The following SAG variants were observed in gnomAD, a reference collection of about 807,000 sequenced individuals.
The protein encoded by SAG is S-antigen visual arrestin, also known as S-arrestin.
Under a neutral mutation model 55.0 loss-of-function variants are expected in SAG, and 45 were observed. The ratio of observed to expected loss-of-function variants is 0.82; its 90% CI spans 0.64 to 1.05. SAG has a LOEUF of 1.05. SAG is among the 50% of genes least tolerant of loss of function. The pLI is 0.00. For missense variants in SAG, 455 were observed against 512.1 expected (o/e 0.89, Z 1.08); for synonymous variants, 189 against 197.4 (o/e 0.96, Z 0.36).
chr2:233,317,977 T>A (rs957193638), intron 3 of SAG, among the ~76,000 whole-genome samples: 1 of 151,910 alleles, frequency 6.6e-6, no homozygotes, highest in Admixed American at 6.6e-5. Flanking sequence ...TGGAAAAAAA[T>A]TTTTTTTGTC....
Position 233,307,944 on chromosome 2 carries a change from G to A in SAG, c.-107G>A, listed in dbSNP as rs1375217857. The A allele has an allele frequency of 1.3e-5, 2 of 152,442 alleles. No individual in the cohort carries two copies. The highest frequency in any genetic ancestry group is 2.9e-5 in the Non-Finnish European group (2 of 68,110). The allele number at this position is 152,442 out of a possible 1,614,324, so 9.4% of individuals were successfully genotyped here. ...TACCAGCTTGCTCAGAACAGGGGCTGGCTATTCATCATCTCAGAGCATAGA... is the reference window on the plus strand; with the variant it reads ...TACCAGCTTGCTCAGAACAGGGGCTAGCTATTCATCATCTCAGAGCATAGA... On this transcript the variant is annotated 5_prime_UTR_variant, in exon 1 of 16. Coordinates refer to ENST00000409110, the MANE Select transcript of SAG (RefSeq NM_000541.5).
chr2:233,322,048 G>A (rs546492212), intron 5 of SAG, among the ~76,000 whole-genome samples: 167 of 150,406 alleles, frequency 1.1e-3, no homozygotes, highest in African/African-American at 3.8e-3. Context: ...TTAGTCAGGC[G>A]TGGTGGCGGG....
At chr2:233,327,381 A>C in intron 7 of SAG, 184 bp downstream of exon 7, 3 of 510,782 alleles carry the variant, frequency 5.9e-6, no homozygotes, top group East Asian at 3.2e-5. Context: ...AAACAAGAAA[A>C]TGACAGGGAA....
intron 3 of SAG, among the ~76,000 whole-genome samples, chr2:233,318,122 C>T (rs937629590): frequency 6.6e-6 from 1 of 151,932 alleles, no homozygotes; most frequent in Non-Finnish European, 1.5e-5. Context: ...CACAGGCATG[C>T]ACCACCGCAC....
intron 5 of SAG, among the ~76,000 whole-genome samples, chr2:233,321,506 C>G (rs746319924): frequency 1.3e-5 from 2 of 152,146 alleles, no homozygotes; most frequent in Non-Finnish European, 1.5e-5. Context: ...GACCCAGACA[C>G]AAAAAGACAA....
chr2:233,326,151 G>C (rs1395016697), intron 6 of SAG, among the ~76,000 whole-genome samples: 1 of 152,136 alleles, frequency 6.6e-6, no homozygotes, highest in Non-Finnish European at 1.5e-5. Context: ...TTGCACTGGG[G>C]GCCAGGGGCT....
chr2:233,310,663 C>T (rs369447396), intron 2 of SAG, among the ~76,000 whole-genome samples: 6 of 152,142 alleles, frequency 3.9e-5, no homozygotes, highest in Non-Finnish European at 5.9e-5. Flanking sequence ...TGTGCCACCG[C>T]GCCCAGCTAA....
intron 1 of SAG, among the ~76,000 whole-genome samples, 156 bp downstream of exon 1, chr2:233,308,178 G>C (rs1699992359): frequency 6.6e-6 from 1 of 152,250 alleles, no homozygotes; most frequent in Admixed American, 6.5e-5. Flanking sequence ...GACTTGGAGT[G>C]AGCGGGTGCA....
In SAG at chr2:233,340,468, C is replaced by G; in HGVS notation, c.1036C>G (p.Leu346Val). ...TGTGTTTTCTAGCTTTCTGGGAGAG[C>G]TCACCTCCAGGTAAGCCTGTTCACC... ...KLTVSGFLGE[L>V]TSSEVATEVP... The change falls in exon 13 of 16, where the codon CTC becomes GTC. Residue 346 changes from leucine (L) to valine (V), a missense_variant. Leu to Val is a conservative substitution (Grantham distance 32, BLOSUM62 1). Transcript: ENST00000409110. This position sits in a 1 kb window ranked among gnomAD's most constrained non-coding sequence, Gnocchi z 4.2. The G allele has an allele frequency of 6.2e-7, 1 of 1,610,850 alleles. No individual in the cohort carries two copies. The highest frequency in any genetic ancestry group is 8.5e-7 in the Non-Finnish European group (1 of 1,178,232).
At chr2:233,323,707 C>T (rs1335153208) in intron 6 of SAG, among the ~76,000 whole-genome samples, 3 of 152,098 alleles carry the variant, frequency 2.0e-5, no homozygotes, top group Non-Finnish European at 4.4e-5. Context: ...AAATTTCAAA[C>T]GTACCCAAAA....
chr2:233,346,897 T>C lies in SAG; in HGVS notation c.1203T>C (p.Asn401=). 1 of 1,606,294 alleles carries C rather than the reference T, an allele frequency of 6.2e-7. No individual in the cohort carries two copies. Among genetic ancestry groups the C allele is most frequent in the Admixed American group, 1.7e-5 (1 of 59,832 alleles). ...GEAEEGKRDK[N]DVDE is the part of the protein sequence containing the mutation. Reference sequence around the variant, plus strand: ...CTGAGGAGGGGAAGAGAGACAAGAATGACGTTGATGAGTGAAGATGTCGGC... The same window carrying C: ...CTGAGGAGGGGAAGAGAGACAAGAACGACGTTGATGAGTGAAGATGTCGGC... Residue 401 remains asparagine (N), a synonymous_variant, in exon 16 of 16, where the codon AAT becomes AAC. Transcript: ENST00000409110.
intron 3 of SAG, among the ~76,000 whole-genome samples, chr2:233,316,607 G>A (rs550292126): frequency 9.3e-4 from 141 of 152,124 alleles, no homozygotes; most frequent in Non-Finnish European, 1.7e-3. Context: ...CACTGTGTCC[G>A]GCTGGAAAGA....
intron 6 of SAG, among the ~76,000 whole-genome samples, chr2:233,325,721 C>A (rs900619781): frequency 1.3e-5 from 2 of 152,176 alleles, no homozygotes; most frequent in African/African-American, 4.8e-5. Context: ...AAAGCACCAC[C>A]TATTTTCTGT....
chr2:233,330,778 C>G (rs1435601587), intron 9 of SAG, among the ~76,000 whole-genome samples: 1 of 152,052 alleles, frequency 6.6e-6, no homozygotes, highest in Non-Finnish European at 1.5e-5. Flanking sequence ...GTGATCCATC[C>G]GCCTCAGCCT....
intron 7 of SAG, chr2:233,327,719 T>A (rs1700611396): frequency 6.6e-6 from 1 of 152,016 alleles, no homozygotes; most frequent in Non-Finnish European, 1.5e-5. Context: ...ATTTTTTTTT[T>A]TTTGTATTTT....
intron 11 of SAG, among the ~76,000 whole-genome samples, chr2:233,338,339 G>C (rs1371728138): frequency 1.3e-5 from 2 of 152,340 alleles, no homozygotes; most frequent in East Asian, 3.9e-4. Context: ...GGAGGACTTG[G>C]GGACTTGCAG....
rs751316377 is a variant in SAG at position 233,342,255 on chromosome 2, C to T, written c.1047-16C>T. Reference sequence around the variant, plus strand: ...GTGTATGGGTGTTCACACCAATCTTCATTCTTTTTTTCTAGTGAAGTCGCC... The same window carrying T: ...GTGTATGGGTGTTCACACCAATCTTTATTCTTTTTTTCTAGTGAAGTCGCC... On this transcript the variant is annotated splice_polypyrimidine_tract_variant and intron_variant, in intron 13 of 15. Coordinates refer to ENST00000409110, the MANE Select transcript of SAG (RefSeq NM_000541.5). 1.3e-6 allele frequency: 2 copies of T among 1,592,954 alleles called. No homozygotes were observed. Among genetic ancestry groups the T allele is most frequent in the Non-Finnish European group, 1.7e-6 (2 of 1,167,854 alleles).
intron 7 of SAG, chr2:233,327,544 C>CT (rs1700603878): frequency 5.4e-6 from 1 of 186,056 alleles, no homozygotes; most frequent in Non-Finnish European, 1.1e-5. Context: ...ACTTTTTTTT[C>CT]TTTTTTTCTT....
rs185752031 is a variant in SAG at position 233,319,821 on chromosome 2, G to A, written c.182-809G>A. 8.1e-6 allele frequency: 8 copies of A among 985,794 alleles called. No homozygotes were observed. In the African/African-American group the frequency reaches 1.2e-4, roughly 15 times the overall value. The allele number at this position is 985,794 out of a possible 1,614,324, so 61.1% of individuals were successfully genotyped here. A position where few individuals can be genotyped will look rare whatever the true frequency, so the allele number is the denominator to read the frequency against. ...TCCTGAGCTTGAATGAGGGGCGAGTGAGTGGCCACTGTTTCTTCTGAGTCA... is the reference window on the plus strand; with the variant it reads ...TCCTGAGCTTGAATGAGGGGCGAGTAAGTGGCCACTGTTTCTTCTGAGTCA... On this transcript the variant is annotated intron_variant, in intron 4 of 15. Transcript: ENST00000409110. This position sits in a 1 kb window ranked among gnomAD's most constrained non-coding sequence, Gnocchi z 4.4.
Sources: gnomAD v4.1 joint callset for allele counts (sites outside exome capture counted in the v4.1 genomes callset) on GRCh38, gnomAD v4.1.1 for gene constraint, Gnocchi (gnomAD v3.1) non-coding constraint, MANE v1.5 for transcripts, NCBI Gene and HGNC (gene_info 2026-07-23, HGNC 2026-07-21) for gene names.